Variants in PPP2R5C observed in about 807,000 individuals in gnomAD.
PPP2R5C encodes the protein protein phosphatase 2 regulatory subunit B'gamma, also known as serine/threonine-protein phosphatase 2A 56 kDa regulatory subunit gamma isoform.
In PPP2R5C, 7 loss-of-function variants were observed where a neutral mutation model predicts 68.9. The ratio of observed to expected loss-of-function variants is 0.10; its 90% CI spans 0.06 to 0.19. PPP2R5C has a LOEUF of 0.19. Ranked by LOEUF, PPP2R5C falls within the 10% of genes least tolerant of loss-of-function variation. The pLI, the probability that PPP2R5C is intolerant of heterozygous loss-of-function variation, is 1.00. For missense variants in PPP2R5C, 348 were observed against 641.3 expected (o/e 0.54, Z 4.94); for synonymous variants, 210 against 222.2 (o/e 0.95, Z 0.49).
rs566576429 is a variant in PPP2R5C at position 101,884,602 on chromosome 14, G to A, written c.629+1040G>A. Among the ~76,000 whole-genome samples the A allele has an allele frequency of 5.9e-5, 9 of 152,368 alleles. No homozygotes were observed. The East Asian group carries it at 1.5e-3, about 26-fold the overall frequency. ...GGAAAGCCCCGCTGGAGCAGCCGGT[G>A]GAGGAGGACAGAGTCCAGTGGCAGG... On this transcript the variant is annotated intron_variant, in intron 5 of 13. Transcript: ENST00000334743.
intron 1 of PPP2R5C, among the ~76,000 whole-genome samples, chr14:101,840,468 G>T (rs1595341841): frequency 9.6e-6 from 1 of 103,738 alleles, no homozygotes; most frequent in Admixed American, 1.5e-4. Context: ...AGCACCACCT[G>T]CTCCCCCCAC....
At chr14:101,890,407 C>T in intron 6 of PPP2R5C, 111 bp downstream of exon 8, 2 of 1,023,460 alleles carry the variant, frequency 2.0e-6, no homozygotes, top group Admixed American at 2.6e-5. Context: ...AAACCATTCT[C>T]TAAAAGAATT....
intron 3 of PPP2R5C, among the ~76,000 whole-genome samples, chr14:101,792,964 G>A (rs1274235909): frequency 1.3e-5 from 2 of 150,590 alleles, no homozygotes; most frequent in African/African-American, 4.9e-5. Context: ...TGCAGCCTCC[G>A]CCTCCCACAT....
chr14:101,887,605 A>G (rs2044612829), intron 5 of PPP2R5C, among the ~76,000 whole-genome samples: 1 of 152,170 alleles, frequency 6.6e-6, no homozygotes, highest in Admixed American at 6.5e-5. Context: ...GAGCTCCTCC[A>G]GGTTGTCTGA....
chr14:101,856,590 A>C, intron 1 of PPP2R5C, 96 bp from the exon 4 acceptor site: 1 of 1,186,104 alleles, frequency 8.4e-7, no homozygotes, highest in Non-Finnish European at 1.2e-6. Context: ...TTGAATCTCT[A>C]TTCAAAATAA....
intron 2 of PPP2R5C, among the ~76,000 whole-genome samples, chr14:101,863,489 G>A (rs565293528): frequency 1.3e-5 from 2 of 152,186 alleles, no homozygotes; most frequent in South Asian, 4.1e-4. Context: ...TTTAGGATTT[G>A]CAACCGTTTT....
At chr14:101,801,390 ATGACACTG>A (rs2038856340) in intron 3 of PPP2R5C, among the ~76,000 whole-genome samples, 1 of 152,210 alleles carries the variant, frequency 6.6e-6, no homozygotes, top group African/African-American at 2.4e-5. Flanking sequence ...CCACCCAATG[ATGACACTG>A]TGGATATTTG....
chr14:101,821,703 C>A (rs1163896963), intron 1 of PPP2R5C, among the ~76,000 whole-genome samples: 1 of 151,786 alleles, frequency 6.6e-6, no homozygotes, highest in African/African-American at 2.4e-5. Flanking sequence ...TACGTAAATG[C>A]TTAATGTGGT....
exon 14 of PPP2R5C, chr14:101,925,844 G>T (rs547120950): frequency 2.9e-4 from 45 of 152,616 alleles, no homozygotes; most frequent in African/African-American, 1.0e-3. Context: ...TTTTCTAAGG[G>T]GTCTCTTCAC....
At chr14:101,907,921 A>C (rs1014758417) in intron 10 of PPP2R5C, among the ~76,000 whole-genome samples, 60 of 152,186 alleles carry the variant, frequency 3.9e-4, no homozygotes, top group African/African-American at 1.4e-3. Flanking sequence ...CCCCCGAGCG[A>C]GCGTCCAGCC....
At chr14:101,812,650 A>G (rs1179193550) in intron 1 of PPP2R5C, among the ~76,000 whole-genome samples, 2 of 152,202 alleles carry the variant, frequency 1.3e-5, no homozygotes, top group Non-Finnish European at 2.9e-5. Flanking sequence ...CTTACCATTT[A>G]TTTGGCTCGG....
At chr14:101,914,090 T>C (rs2141130155) in intron 12 of PPP2R5C, 1 of 448,664 alleles carries the variant, frequency 2.2e-6, no homozygotes, top group African/African-American at 2.0e-5. Flanking sequence ...CTTTTTTCTT[T>C]TTCTCAACTT....
At chr14:101,844,997 C>T (rs1445845986) in intron 1 of PPP2R5C, among the ~76,000 whole-genome samples, 1 of 152,146 alleles carries the variant, frequency 6.6e-6, no homozygotes, top group African/African-American at 2.4e-5. Context: ...TAATCAGTGC[C>T]CTGGGTGCCT....
chr14:101,925,243 G>C, exon 14 of PPP2R5C: 3 of 1,613,524 alleles, frequency 1.9e-6, no homozygotes, highest in East Asian at 2.2e-5. Context: ...CTGCAGGGCC[G>C]ATGAGCTGGC....
intron 2 of PPP2R5C, among the ~76,000 whole-genome samples, chr14:101,779,583 C>G (rs1285284636): frequency 6.6e-6 from 1 of 151,982 alleles, no homozygotes. Flanking sequence ...CCCAGCATTC[C>G]TGAAATAAAG....
At chr14:101,799,008 A>G (rs1232264317) in intron 3 of PPP2R5C, among the ~76,000 whole-genome samples, 1 of 152,202 alleles carries the variant, frequency 6.6e-6, no homozygotes, top group Non-Finnish European at 1.5e-5. Flanking sequence ...AAGGGTAGCA[A>G]GGTGGTTTTG....
intron 2 of PPP2R5C, among the ~76,000 whole-genome samples, chr14:101,780,408 C>A (rs1437292744): frequency 1.3e-5 from 2 of 152,144 alleles, no homozygotes. Context: ...ATATGATAGT[C>A]AACCAAGGGT....
At position 101,915,930 on chromosome 14, in the gene PPP2R5C, T is replaced by A. The variant is rs1025505261; in HGVS notation, c.1327-1901T>A. Among the ~76,000 whole-genome samples, 3 of 152,100 alleles carry A rather than the reference T, an allele frequency of 2.0e-5. No homozygotes were observed. The highest frequency in any genetic ancestry group is 7.2e-5 in the African/African-American group (3 of 41,410). ...GCCTCTTGGTTTGACTGAAGGGGCCTCACCCAGTCAGACTTGAGGGAAGGT... is the reference window on the plus strand; with the variant it reads ...GCCTCTTGGTTTGACTGAAGGGGCCACACCCAGTCAGACTTGAGGGAAGGT... On this transcript the variant is annotated intron_variant, in intron 12 of 13. Transcript: ENST00000334743. This position sits in a 1 kb window ranked among gnomAD's most constrained non-coding sequence, Gnocchi z 4.2.
intron 1 of PPP2R5C, among the ~76,000 whole-genome samples, chr14:101,828,822 C>T (rs948356057): frequency 6.6e-6 from 1 of 151,818 alleles, no homozygotes; most frequent in African/African-American, 2.4e-5. Context: ...AGACTACAGG[C>T]GTGTGCTACC....
Sources: allele counts gnomAD v4.1 joint callset (sites outside exome capture counted in the v4.1 genomes callset), GRCh38; gene constraint gnomAD v4.1.1; non-coding constraint Gnocchi (gnomAD v3.1); transcripts MANE v1.5; gene names NCBI Gene and HGNC (gene_info 2026-07-23, HGNC 2026-07-21).